The following CWF19L2 variants were observed in gnomAD, a reference collection of about 807,000 sequenced individuals.
CWF19L2 encodes the protein CWF19 like cell cycle control factor 2.
In CWF19L2, 98 loss-of-function variants were observed where a neutral mutation model predicts 111.7. The observed-to-expected ratio is 0.88, with a 90% confidence interval of 0.75 to 1.04. CWF19L2 has a LOEUF of 1.04. Ranked by LOEUF, CWF19L2 falls within the 50% of genes least tolerant of loss-of-function variation. CWF19L2 has a pLI of 0.00. For synonymous variants in CWF19L2, 351 were observed against 342.9 expected (o/e 1.02, Z -0.26); for missense variants, 1,101 against 1,051.4 (o/e 1.05, Z -0.65).
intron 15 of CWF19L2, among the ~76,000 whole-genome samples, chr11:107,335,874 T>G (rs980270956): frequency 6.6e-6 from 1 of 152,170 alleles, no homozygotes; most frequent in Admixed American, 6.5e-5. Flanking sequence ...TTGCTTGGCT[T>G]GACACTGTAA....
chr11:107,362,881 C>A (rs949571335), intron 12 of CWF19L2, among the ~76,000 whole-genome samples: 2 of 151,884 alleles, frequency 1.3e-5, no homozygotes, highest in Non-Finnish European at 2.9e-5. Context: ...CTCCGACCTA[C>A]GGGAGGACAC....
At chr11:107,390,647 CA>C (rs1380590299) in intron 11 of CWF19L2, among the ~76,000 whole-genome samples, 4 of 152,226 alleles carry the variant, frequency 2.6e-5, no homozygotes, top group African/African-American at 9.6e-5. Context: ...TATGTTGCCC[CA>C]AAATTCACAT....
At chr11:107,330,053 G>C in intron 16 of CWF19L2, 34 bp from the exon 17 acceptor site, 1 of 1,340,670 alleles carries the variant, frequency 7.5e-7, no homozygotes, top group Non-Finnish European at 1.0e-6. Flanking sequence ...ATGGAATACA[G>C]TATGAAACCA....
chr11:107,403,850 C>A lies in CWF19L2; in HGVS notation c.1618-10955G>T, dbSNP rs902406513. On this transcript the variant is annotated intron_variant, in intron 10 of 17. Transcript: ENST00000282251. ...AAGTTCATTGTTAAGTGAATCTGTG[C>A]TTTCTAGGAATTTCCTCTTCTCCTC... The A allele has an allele frequency of 8.7e-6, 7 of 805,956 alleles. No individual in the cohort carries two copies. The African/African-American group carries it at 1.2e-4, about 14-fold the overall frequency. 49.9% of individuals were successfully genotyped at this position (805,956 alleles called of 1,614,324 possible). A position where few individuals can be genotyped will look rare whatever the true frequency, so the allele number is the denominator to read the frequency against.
rs116754170 is a variant in CWF19L2 at position 107,426,037 on chromosome 11, C to T, written c.1433+2762G>A. Among the ~76,000 whole-genome samples, 657 of 151,558 alleles carry T rather than the reference C, an allele frequency of 4.3e-3. 8 individuals are homozygous for T. The highest frequency in any genetic ancestry group is 0.015 in the African/African-American group (635 of 41,394). ...ACGTTTTTCTGCTAGTTAACATAATCGCAGGGCCTAAAATGAATAAAGAAA... is the reference window on the plus strand; with the variant it reads ...ACGTTTTTCTGCTAGTTAACATAATTGCAGGGCCTAAAATGAATAAAGAAA... On this transcript the variant is annotated intron_variant, in intron 8 of 17. Coordinates refer to ENST00000282251, the MANE Select transcript of CWF19L2 (RefSeq NM_152434.3).
chr11:107,435,191 T>C (rs538838975), intron 6 of CWF19L2, among the ~76,000 whole-genome samples: 188 of 152,304 alleles, frequency 1.2e-3, no homozygotes, highest in Non-Finnish European at 2.4e-3. Flanking sequence ...TAAAATATTT[T>C]GTACTTCAAA....
intron 3 of CWF19L2, among the ~76,000 whole-genome samples, chr11:107,445,935 T>C (rs1220238406): frequency 1.3e-5 from 2 of 152,174 alleles, no homozygotes; most frequent in African/African-American, 2.4e-5. Flanking sequence ...AAGTATTTTA[T>C]GGGACTTTCT....
intron 10 of CWF19L2, among the ~76,000 whole-genome samples, chr11:107,400,207 A>G (rs1262972563): frequency 6.6e-6 from 1 of 151,686 alleles, no homozygotes; most frequent in Non-Finnish European, 1.5e-5. Context: ...AAAAAATGAA[A>G]TAACCAAGAT....
At chr11:107,362,271 T>C (rs1860361821) in intron 12 of CWF19L2, among the ~76,000 whole-genome samples, 1 of 152,078 alleles carries the variant, frequency 6.6e-6, no homozygotes, top group Admixed American at 6.5e-5. Flanking sequence ...TTGCCCAGGC[T>C]TGCTTAGGTA....
intron 8 of CWF19L2, among the ~76,000 whole-genome samples, chr11:107,426,211 G>T (rs1199314969): frequency 6.6e-6 from 1 of 151,530 alleles, no homozygotes; most frequent in East Asian, 1.9e-4. Flanking sequence ...CATATGACTA[G>T]TTAACAAAAA....
At chr11:107,436,163 CA>C (rs11413713) in intron 6 of CWF19L2, among the ~76,000 whole-genome samples, 86 of 113,014 alleles carry the variant, frequency 7.6e-4, no homozygotes, top group Middle Eastern at 4.9e-3. Context: ...CCCCCCGACC[CA>C]AAAAAAAAAA....
Position 107,399,272 on chromosome 11 carries a change from G to A in CWF19L2, c.1618-6377C>T, listed in dbSNP as rs567342935. On this transcript the variant is annotated intron_variant, in intron 10 of 17. Coordinates refer to ENST00000282251, the MANE Select transcript of CWF19L2 (RefSeq NM_152434.3). ...CCTAAATGCTCCACTTAAAAGATAC[G>A]GAATCACAGAATGGATAAGAACTCA... Among the ~76,000 whole-genome samples the A allele has an allele frequency of 3.9e-5, 6 of 152,172 alleles. No homozygotes were observed. The East Asian group carries it at 5.8e-4, about 15-fold the overall frequency.
chr11:107,330,272 C>T (rs1163311066), intron 16 of CWF19L2, among the ~76,000 whole-genome samples: 1 of 152,064 alleles, frequency 6.6e-6, no homozygotes, highest in African/African-American at 2.4e-5. Context: ...ATTTTGCTGT[C>T]CTTGGGGAAA....
rs1250075187 is a variant in CWF19L2, at chr11:107,368,431, T to G, written c.1873-14695A>C. On this transcript the variant is annotated intron_variant, in intron 12 of 17. Transcript: ENST00000282251. ...TATCTAACTCTTCCAAATCAGAATT[T>G]AAGTATTTAAGCATGCTAAAGATTC... Among the ~76,000 whole-genome samples the G allele has an allele frequency of 7.9e-5, 11 of 138,440 alleles. 2 individuals are homozygous for G. The highest frequency in any genetic ancestry group is 7.8e-4 in the Admixed American group (11 of 14,158). The allele number at this position is 138,440 out of a possible 152,430, so 90.8% of individuals were successfully genotyped here.
At position 107,455,734 on chromosome 11, in the gene CWF19L2, T is replaced by G; in HGVS notation, c.148A>C (p.Lys50Gln). 1.9e-6 allele frequency: 3 copies of G among 1,551,390 alleles called. No homozygotes were observed. Among genetic ancestry groups the G allele is most frequent in the Non-Finnish European group, 2.6e-6 (3 of 1,146,802 alleles). The change falls in exon 2 of 18, where the codon AAG becomes CAG. Residue 50 changes from lysine to glutamine, a missense_variant. Lys to Gln is a moderately conservative substitution (Grantham distance 53). Coordinates refer to ENST00000282251, the MANE Select transcript of CWF19L2 (RefSeq NM_152434.3). ...CATGTATCCTCACCCCGAAGTCGCT[T>G]AAGTTCTTTACGCCTTTCTTCTTTT... ...FEKEERRKEL[K>Q]RLRGEDTWML...
chr11:107,447,971 T>C (rs149347924), intron 3 of CWF19L2, among the ~76,000 whole-genome samples: 1 of 151,046 alleles, frequency 6.6e-6, no homozygotes, highest in African/African-American at 2.4e-5. Context: ...AAACGAAACA[T>C]CTAATGATAA....
At chr11:107,394,643 A>C (rs1251434119) in intron 10 of CWF19L2, among the ~76,000 whole-genome samples, 1 of 152,190 alleles carries the variant, frequency 6.6e-6, no homozygotes, top group Non-Finnish European at 1.5e-5. Flanking sequence ...TTAGGAGTTA[A>C]AAGAAATCTA....
intron 10 of CWF19L2, among the ~76,000 whole-genome samples, chr11:107,412,578 C>T (rs1026079799): frequency 4.6e-5 from 7 of 152,112 alleles, no homozygotes; most frequent in Middle Eastern, 3.2e-3. Context: ...TGACCTCAAG[C>T]GATCTGCCCA....
chr11:107,449,097 C>A (rs1591211812), intron 3 of CWF19L2, among the ~76,000 whole-genome samples: 3 of 114,014 alleles, frequency 2.6e-5, no homozygotes, highest in Admixed American at 1.0e-4. Context: ...TCAATATGTA[C>A]AATGCAAACC....
Sources: allele counts gnomAD v4.1 joint callset (sites outside exome capture counted in the v4.1 genomes callset), GRCh38; gene constraint gnomAD v4.1.1; transcripts MANE v1.5; gene names NCBI Gene and HGNC (gene_info 2026-07-23, HGNC 2026-07-21).